The following NAALADL2 variants were observed in gnomAD, a reference collection of about 807,000 sequenced individuals.
NAALADL2 encodes the protein inactive N-acetylated-alpha-linked acidic dipeptidase-like protein 2.
In NAALADL2, 76 loss-of-function variants were observed where a neutral mutation model predicts 87.2. The observed-to-expected ratio is 0.87, with a 90% CI of 0.72 to 1.05. The LOEUF (loss-of-function observed/expected upper bound fraction) is 1.05, where lower values mean the gene tolerates loss of function less well. Ranked by LOEUF, NAALADL2 falls within the 50% of genes least tolerant of loss-of-function variation. The probability of loss-of-function intolerance (pLI) is 0.00; values close to 1 mark genes in which losing one functional copy is unlikely to be tolerated. For missense variants in NAALADL2, 1,089 were observed against 945.8 expected (o/e 1.15, Z -1.99); for synonymous variants, 354 against 331.0 (o/e 1.07, Z -0.75).
chr3:175,302,747 G>A (rs957933686), intron 4 of NAALADL2, among the ~76,000 whole-genome samples: 1 of 151,894 alleles, frequency 6.6e-6, no homozygotes. Context: ...TGGGGCAATA[G>A]GTGTGGTACT....
intron 10 of NAALADL2, among the ~76,000 whole-genome samples, chr3:175,608,044 C>T (rs895369067): frequency 4.0e-5 from 6 of 151,576 alleles, no homozygotes; most frequent in African/African-American, 1.5e-4. Context: ...AGTGACAAAA[C>T]CTGGATTAGA....
intron 2 of NAALADL2, among the ~76,000 whole-genome samples, chr3:174,576,915 T>C (rs1715594138): frequency 6.6e-6 from 1 of 152,180 alleles, no homozygotes. Flanking sequence ...TGGAAGTGTA[T>C]AATGTATATT....
In NAALADL2 at chr3:175,715,781, A is replaced by G. The variant is rs149839112; in HGVS notation, c.1897-21525A>G. The stretch of plus-strand genomic sequence containing the variant: ...TCCCAGCTACTCAGAAGACTGAGGC[A>G]CAAGAATCACTTGAACCTGGGAGGC... On this transcript the variant is annotated intron_variant, in intron 11 of 13. Transcript: ENST00000454872. 1.2e-4 allele frequency among the ~76,000 whole-genome samples: 18 copies of G among 152,250 alleles called. No homozygotes were observed. The East Asian group carries it at 3.5e-3, about 29-fold the overall frequency.
At chr3:175,101,451 A>C (rs1285380276) in intron 2 of NAALADL2, among the ~76,000 whole-genome samples, 1 of 152,208 alleles carries the variant, frequency 6.6e-6, no homozygotes, top group African/African-American at 2.4e-5. Flanking sequence ...AACTTAGAAG[A>C]AGCTTGAATG....
chr3:175,605,367 T>C (rs1415578570), intron 10 of NAALADL2, among the ~76,000 whole-genome samples: 1 of 77,640 alleles, frequency 1.3e-5, no homozygotes, highest in Non-Finnish European at 2.9e-5. Context: ...ATGGGAAAGA[T>C]TTTATTCCCA....
chr3:174,507,881 A>T (rs555489290), intron 1 of NAALADL2, among the ~76,000 whole-genome samples: 97 of 152,194 alleles, frequency 6.4e-4, no homozygotes, highest in African/African-American at 2.3e-3. Context: ...CCATGCATGG[A>T]TATAAGTTTT....
At chr3:175,278,092 C>T (rs913411093) in intron 4 of NAALADL2, among the ~76,000 whole-genome samples, 3 of 152,164 alleles carry the variant, frequency 2.0e-5, no homozygotes, top group Non-Finnish European at 2.9e-5. Context: ...CGCCACCGCA[C>T]TCCAGCCTGG....
intron 1 of NAALADL2, among the ~76,000 whole-genome samples, chr3:175,043,663 G>A (rs1754348066): frequency 6.6e-6 from 1 of 152,022 alleles, no homozygotes; most frequent in Admixed American, 6.6e-5. Flanking sequence ...TATTTTTGGT[G>A]CTCTTGTCAA....
intron 3 of NAALADL2, among the ~76,000 whole-genome samples, chr3:174,847,116 G>T (rs1458834645): frequency 6.6e-6 from 1 of 152,164 alleles, no homozygotes; most frequent in Admixed American, 6.5e-5. Context: ...ATCCAGAAGA[G>T]AGAAAATACA....
intron 1 of NAALADL2, among the ~76,000 whole-genome samples, chr3:174,478,824 GC>G (rs374529446): frequency 4.6e-5 from 7 of 152,178 alleles, no homozygotes; most frequent in African/African-American, 1.7e-4. Context: ...TGATTCTTGT[GC>G]CTCAGCCTCC....
chr3:175,664,132 T>G (rs140266680), intron 11 of NAALADL2, among the ~76,000 whole-genome samples: 1 of 152,086 alleles, frequency 6.6e-6, no homozygotes, highest in East Asian at 1.9e-4. Context: ...TATGACAGCT[T>G]TTAATTCCTT....
intron 2 of NAALADL2, among the ~76,000 whole-genome samples, chr3:174,582,891 C>A (rs1001210626): frequency 7.6e-6 from 1 of 132,208 alleles, no homozygotes; most frequent in Admixed American, 8.3e-5. Context: ...GCCCAGACTT[C>A]ATTTTTTTTT....
intron 10 of NAALADL2, among the ~76,000 whole-genome samples, chr3:175,606,457 A>G (rs1456524147): frequency 6.6e-6 from 1 of 151,950 alleles, no homozygotes; most frequent in East Asian, 1.9e-4. Flanking sequence ...GAGAAAGGGA[A>G]TAACAAAAAA....
At chr3:175,454,466 A>G (rs1229974677) in intron 6 of NAALADL2, among the ~76,000 whole-genome samples, 1 of 152,010 alleles carries the variant, frequency 6.6e-6, no homozygotes, top group Non-Finnish European at 1.5e-5. Flanking sequence ...CCTACTTTAT[A>G]GAGGAAGAAT....
intron 1 of NAALADL2, among the ~76,000 whole-genome samples, chr3:174,872,878 T>C (rs553728845): frequency 6.0e-4 from 91 of 152,330 alleles, no homozygotes; most frequent in African/African-American, 2.2e-3. Context: ...TGAGTTTGGA[T>C]AACTCAGTGG....
At chr3:174,659,352 G>T (rs1425835338) in intron 2 of NAALADL2, among the ~76,000 whole-genome samples, 1 of 152,228 alleles carries the variant, frequency 6.6e-6, no homozygotes, top group Admixed American at 6.5e-5. Context: ...GAATATATTA[G>T]AAATGTCTCA....
intron 11 of NAALADL2, among the ~76,000 whole-genome samples, chr3:175,700,694 C>G (rs549789614): frequency 6.6e-6 from 1 of 152,182 alleles, no homozygotes; most frequent in East Asian, 1.9e-4. Context: ...CTCCTGACTT[C>G]TTAATTGAGG....
At chr3:175,139,980 A>G (rs1160196680) in intron 2 of NAALADL2, among the ~76,000 whole-genome samples, 1 of 128,916 alleles carries the variant, frequency 7.8e-6, no homozygotes, top group Non-Finnish European at 1.5e-5. Context: ...ATTAAATGAC[A>G]TGAGTAGATT....
intron 1 of NAALADL2, among the ~76,000 whole-genome samples, chr3:174,967,388 GA>G (rs1743034391): frequency 7.2e-6 from 1 of 138,976 alleles, no homozygotes; most frequent in African/African-American, 2.7e-5. Flanking sequence ...AAAAAAAAAA[GA>G]AAAAAGGAAT....
Sources: allele counts gnomAD v4.1 joint callset (sites outside exome capture counted in the v4.1 genomes callset), GRCh38; gene constraint gnomAD v4.1.1; transcripts MANE v1.5; gene names NCBI Gene and HGNC (gene_info 2026-07-23, HGNC 2026-07-21).